SV2B: variants seen among roughly 807,000 people sequenced by gnomAD.
SV2B encodes the protein solute carrier family 22 member B2.
Under a neutral mutation model 73.9 loss-of-function variants are expected in SV2B, and 41 were observed. The ratio of observed to expected loss-of-function variants is 0.56; its 90% CI spans 0.43 to 0.72. The LOEUF is 0.72. Among genes scored for constraint, SV2B ranks in the 30% least tolerant of loss-of-function variants. The pLI is 0.00. For missense variants in SV2B, 764 were observed against 857.8 expected (o/e 0.89, Z 1.37); for synonymous variants, 314 against 314.2 (o/e 1.00, Z 0.01).
At position 91,253,235 on chromosome 15, in the gene SV2B, A is replaced by G. The variant is rs145847439; in HGVS notation, c.784+715A>G. Among the ~76,000 whole-genome samples the G allele has an allele frequency of 2.6e-5, 4 of 152,352 alleles. No homozygotes were observed. The highest frequency in any genetic ancestry group is 7.2e-5 in the African/African-American group (3 of 41,578). On this transcript the variant is annotated intron_variant, in intron 4 of 12. Coordinates refer to ENST00000394232, the MANE Select transcript of SV2B (RefSeq NM_001323032.3). The surrounding 1 kb of genome is among the most constrained non-coding windows in gnomAD (Gnocchi z 5.0). The stretch of plus-strand genomic sequence containing the variant: ...CTGCTTTTGGAGTATACTTAGTAAT[A>G]CTATCATCATCATTCAAAATCATTT...
intron 9 of SV2B, among the ~76,000 whole-genome samples, chr15:91,270,971 T>TGGGAGGACGGTGAGTCCTGTGGAC (rs1567418094): frequency 3.6e-5 from 5 of 138,772 alleles, no homozygotes; most frequent in African/African-American, 1.6e-4. Context: ...GTCCTGTGGA[T>TGGGAGGACGGTGAGTCCTGTGGAC]GATGGGCGGA....
intron 1 of SV2B, among the ~76,000 whole-genome samples, chr15:91,193,127 G>A (rs998295182): frequency 6.6e-6 from 1 of 152,134 alleles, no homozygotes; most frequent in South Asian, 2.1e-4. Flanking sequence ...TATTGTTCCC[G>A]GTTCAGCTCT....
Position 91,284,330 on chromosome 15 carries a change from A to T in SV2B, c.1708+109A>T. 8.0e-7 allele frequency: 1 copy of T among 1,243,822 alleles called. No homozygotes were observed. Among genetic ancestry groups the T allele is most frequent in the South Asian group, 1.4e-5 (1 of 70,596 alleles). The allele number at this position is 1,243,822 out of a possible 1,614,324, so 77.0% of individuals were successfully genotyped here. On this transcript the variant is annotated intron_variant, in intron 11 of 12. Transcript: ENST00000394232. This position sits in a 1 kb window ranked among gnomAD's most constrained non-coding sequence, Gnocchi z 4.5. ...TTTATTAAATAATTCTTGCACAACAAACCCAACAAGTAAGATTGCACCCAG... is the reference window on the plus strand; with the variant it reads ...TTTATTAAATAATTCTTGCACAACATACCCAACAAGTAAGATTGCACCCAG...
At chr15:91,117,807 A>G (rs1368088441) in intron 1 of SV2B, among the ~76,000 whole-genome samples, 2 of 152,222 alleles carry the variant, frequency 1.3e-5, no homozygotes, top group East Asian at 3.8e-4. Flanking sequence ...GTGGATTATA[A>G]TCATATTACA....
Position 91,230,955 on chromosome 15 carries a change from G to A in SV2B, c.451+4241G>A, listed in dbSNP as rs116193774. ...AGGTTGATGGGCTGGGGGGCGTTCT[G>A]GAGTTAGGTGATTTGTTTTTGCAAT... On this transcript the variant is annotated intron_variant, in intron 2 of 12. Coordinates refer to ENST00000394232, the MANE Select transcript of SV2B (RefSeq NM_001323032.3). Among the ~76,000 whole-genome samples, 807 of 152,286 alleles carry A rather than the reference G, an allele frequency of 5.3e-3. 7 individuals are homozygous for A. The highest frequency in any genetic ancestry group is 0.018 in the African/African-American group (756 of 41,552).
chr15:91,289,673 A>T lies in SV2B; in HGVS notation c.1861A>T (p.Asn621Tyr). The T allele has an allele frequency of 6.2e-7, 1 of 1,612,620 alleles. No individual in the cohort carries two copies. Among genetic ancestry groups the T allele is most frequent in the Non-Finnish European group, 8.5e-7 (1 of 1,179,566 alleles). The change falls in exon 12 of 13, where the codon AAC (asparagine) becomes TAC (tyrosine). Residue 621 changes from asparagine (N) to tyrosine (Y), a missense_variant. Transcript: ENST00000394232. The surrounding 1 kb of genome is among the most constrained non-coding windows in gnomAD (Gnocchi z 4.9). ...DVITVELYPT[N>Y]QRATAFGILN... ...GATCACAGTGGAGCTGTATCCCACCAACCAGAGGTCAGTTCTTCCCCAGGC... is the reference window on the plus strand; with the variant it reads ...GATCACAGTGGAGCTGTATCCCACCTACCAGAGGTCAGTTCTTCCCCAGGC...
rs567279615 is a variant in SV2B at position 91,126,859 on chromosome 15, A to T, written c.-392+26496A>T. 2.0e-5 allele frequency among the ~76,000 whole-genome samples: 3 copies of T among 152,390 alleles called. No individual in the cohort carries two copies. In the East Asian group the frequency reaches 5.8e-4, roughly 29 times the overall value. ...AATAGAAGGGAACTTCCTTAACCTG[A>T]TAAAGGACACTTCTAAAAACCCCAC... On this transcript the variant is annotated intron_variant, in intron 1 of 12. Coordinates refer to ENST00000394232, the MANE Select transcript of SV2B (RefSeq NM_001323032.3).
intron 6 of SV2B, among the ~76,000 whole-genome samples, chr15:91,262,081 A>G (rs886372736): frequency 6.6e-6 from 1 of 152,228 alleles, no homozygotes; most frequent in Non-Finnish European, 1.5e-5. Context: ...CTTTTCAGGC[A>G]GGATCACACG....
chr15:91,161,429 T>C (rs952180872), intron 1 of SV2B, among the ~76,000 whole-genome samples: 3 of 152,202 alleles, frequency 2.0e-5, no homozygotes, highest in South Asian at 2.1e-4. Flanking sequence ...GAAAAATATA[T>C]ATTTGACAAC....
chr15:91,213,567 C>T (rs533515481), intron 1 of SV2B, among the ~76,000 whole-genome samples: 1 of 152,234 alleles, frequency 6.6e-6, no homozygotes, highest in South Asian at 2.1e-4. Context: ...GCAGCACTTC[C>T]TGTCTGGGTG....
chr15:91,154,282 G>T (rs1567296517), intron 1 of SV2B, among the ~76,000 whole-genome samples: 1 of 152,022 alleles, frequency 6.6e-6, no homozygotes, highest in South Asian at 2.1e-4. Context: ...CTATTTGGAT[G>T]TCATGCATTC....
intron 1 of SV2B, among the ~76,000 whole-genome samples, chr15:91,194,331 C>A (rs2045162257): frequency 6.6e-6 from 1 of 152,082 alleles, no homozygotes; most frequent in Non-Finnish European, 1.5e-5. Context: ...TGCCTCTGGA[C>A]CTCAGGAGCT....
chr15:91,248,096 C>T (rs547039692), intron 2 of SV2B, among the ~76,000 whole-genome samples: 6 of 152,160 alleles, frequency 3.9e-5, no homozygotes, highest in African/African-American at 9.6e-5. Flanking sequence ...CCGAGGTGGG[C>T]GGATCACGAG....
At chr15:91,199,059 C>T (rs1158172888) in intron 1 of SV2B, among the ~76,000 whole-genome samples, 4 of 152,052 alleles carry the variant, frequency 2.6e-5, no homozygotes, top group Non-Finnish European at 5.9e-5. Context: ...TTATGTTGCC[C>T]AGGCTGTACT....
intron 1 of SV2B, among the ~76,000 whole-genome samples, chr15:91,217,940 A>G (rs745663011): frequency 1.2e-4 from 18 of 152,358 alleles, no homozygotes; most frequent in Non-Finnish European, 2.5e-4. Flanking sequence ...ACTATTTTGT[A>G]CGGAGTCCCA....
chr15:91,166,326 A>G (rs2043909773), intron 1 of SV2B, among the ~76,000 whole-genome samples: 1 of 152,146 alleles, frequency 6.6e-6, no homozygotes, highest in African/African-American at 2.4e-5. Flanking sequence ...TGCAATATGT[A>G]ATTACACTGC....
rs200016125 is a variant in SV2B at position 91,125,781 on chromosome 15, C to CAAAAAAAAAAAAAAAAAAAAAAAAAAAA, written c.-392+25437_-392+25438insAAAAAAAAAAAAAAAAAAAAAAAAAAAA. ...CAAAGTGAGACCCTGTCTCAAGGGG[C>CAAAAAAAAAAAAAAAAAAAAAAAAAAAA]AAAAAAAAAAAAAAAAAAATTCAGT... On this transcript the variant is annotated intron_variant, in intron 1 of 12. Coordinates refer to ENST00000394232, the MANE Select transcript of SV2B (RefSeq NM_001323032.3). 1.9e-4 allele frequency among the ~76,000 whole-genome samples: 11 copies of CAAAAAAAAAAAAAAAAAAAAAAAAAAAA among 57,068 alleles called. 2 individuals are homozygous for CAAAAAAAAAAAAAAAAAAAAAAAAAAAA. The highest frequency in any genetic ancestry group is 2.6e-4 in the African/African-American group (4 of 15,650). The allele number at this position is 57,068 out of a possible 152,430, so 37.4% of individuals were successfully genotyped here.
Position 91,129,743 on chromosome 15 carries a change from T to C in SV2B, c.-392+29380T>C, listed in dbSNP as rs2141147952. Among the ~76,000 whole-genome samples, 1 of 152,342 alleles carries C rather than the reference T, an allele frequency of 6.6e-6. No homozygotes were observed. Among genetic ancestry groups the C allele is most frequent in the East Asian group, 1.9e-4 (1 of 5,186 alleles). Reference sequence around the variant, plus strand: ...GGAGGCAGTATAACTTCGTGGCTTCTGGCCTGTGCCCTGGAGTTGGAGAGC... The same window carrying C: ...GGAGGCAGTATAACTTCGTGGCTTCCGGCCTGTGCCCTGGAGTTGGAGAGC... On this transcript the variant is annotated intron_variant, in intron 1 of 12. Transcript: ENST00000394232. The surrounding 1 kb of genome is among the most constrained non-coding windows in gnomAD (Gnocchi z 5.1).
intron 9 of SV2B, among the ~76,000 whole-genome samples, chr15:91,272,921 C>T (rs1389835448): frequency 2.0e-5 from 3 of 150,414 alleles, no homozygotes; most frequent in African/African-American, 7.4e-5. Flanking sequence ...CAGTCTCCGC[C>T]TCCCAGGTTC....
Sources: allele counts gnomAD v4.1 joint callset (sites outside exome capture counted in the v4.1 genomes callset), GRCh38; gene constraint gnomAD v4.1.1; non-coding constraint Gnocchi (gnomAD v3.1); transcripts MANE v1.5; gene names NCBI Gene and HGNC (gene_info 2026-07-23, HGNC 2026-07-21).